ADAMTS6: variants seen among roughly 807,000 people sequenced by gnomAD.
ADAMTS6 encodes the protein ADAM metallopeptidase with thrombospondin type 1 motif 6, also known as A disintegrin and metalloproteinase with thrombospondin motifs 6.
A neutral mutation model predicts 144.3 loss-of-function variants in ADAMTS6; 23 were observed. The ratio of observed to expected loss-of-function variants is 0.16; its 90% CI spans 0.11 to 0.23. The LOEUF (loss-of-function observed/expected upper bound fraction) is 0.23, where lower values mean the gene tolerates loss of function less well. ADAMTS6 is among the 10% of genes least tolerant of loss of function. The pLI is 1.00. For synonymous variants in ADAMTS6, 444 were observed against 457.5 expected, an observed-to-expected ratio of 0.97 and a Z score of 0.38; for missense variants, 999 against 1,379.6, an observed-to-expected ratio of 0.72 and a Z score of 4.37.
intron 9 of ADAMTS6, among the ~76,000 whole-genome samples, chr5:65,310,347 G>A (rs867728496): frequency 5.3e-5 from 8 of 152,074 alleles, no homozygotes; most frequent in Middle Eastern, 3.2e-3. Context: ...GCAACAAAGT[G>A]AGACCCTGTC....
intron 7 of ADAMTS6, among the ~76,000 whole-genome samples, chr5:65,413,014 A>G (rs1440853882): frequency 6.6e-6 from 1 of 152,200 alleles, no homozygotes; most frequent in Non-Finnish European, 1.5e-5. Flanking sequence ...GCTAACAAAC[A>G]GTTCCAACCT....
chr5:65,453,031 A>G, intron 4 of ADAMTS6, 113 bp from the exon 5 acceptor site: 1 of 806,542 alleles, frequency 1.2e-6, no homozygotes, highest in Non-Finnish European at 1.8e-6. Flanking sequence ...GATTTTTCAA[A>G]GAGAAGAGAA....
At chr5:65,415,608 A>G (rs72760579) in intron 7 of ADAMTS6, 18,549 of 352,086 alleles carry the variant, frequency 0.053, 683 homozygotes, top group African/African-American at 0.099. Flanking sequence ...CCTGCCCATC[A>G]AGGAGTCTGA....
At chr5:65,248,940 AT>A (rs1430553197) in intron 14 of ADAMTS6, among the ~76,000 whole-genome samples, 1 of 152,148 alleles carries the variant, frequency 6.6e-6, no homozygotes, top group African/African-American at 2.4e-5. Context: ...TATACAATAC[AT>A]CATAAATATA....
intron 20 of ADAMTS6, among the ~76,000 whole-genome samples, chr5:65,200,904 T>C (rs1755692657): frequency 6.6e-6 from 1 of 152,224 alleles, no homozygotes; most frequent in Admixed American, 6.5e-5. Flanking sequence ...AAGATTCAAA[T>C]ATGATGGTCC....
chr5:65,201,683 G>A (rs1001284145), intron 20 of ADAMTS6, among the ~76,000 whole-genome samples: 3 of 152,164 alleles, frequency 2.0e-5, no homozygotes, highest in Non-Finnish European at 4.4e-5. Context: ...TCTTGGAATT[G>A]ATGGGCTAAC....
At chr5:65,158,955 T>A (rs17812505) in intron 24 of ADAMTS6, among the ~76,000 whole-genome samples, 2,336 of 152,270 alleles carry the variant, frequency 0.015, 36 homozygotes, top group Non-Finnish European at 0.023. Context: ...CTTATTCAAA[T>A]TCCATTATCT....
intron 7 of ADAMTS6, among the ~76,000 whole-genome samples, chr5:65,382,874 A>G (rs931553031): frequency 3.3e-5 from 5 of 152,204 alleles, no homozygotes; most frequent in Non-Finnish European, 7.3e-5. Flanking sequence ...TATAAACAAC[A>G]GAAATTTATT....
At chr5:65,349,559 A>G (rs1332296273) in intron 7 of ADAMTS6, among the ~76,000 whole-genome samples, 1 of 152,086 alleles carries the variant, frequency 6.6e-6, no homozygotes, top group Non-Finnish European at 1.5e-5. Context: ...AAGTGGGCTT[A>G]AAAAAGACTT....
chr5:65,219,932 C>T (rs1284713320), intron 18 of ADAMTS6, among the ~76,000 whole-genome samples: 2 of 152,052 alleles, frequency 1.3e-5, no homozygotes, highest in Non-Finnish European at 2.9e-5. Flanking sequence ...GAGATATCGA[C>T]GTAATTCTTT....
chr5:65,321,977 A>G (rs1412551060), intron 9 of ADAMTS6, among the ~76,000 whole-genome samples: 8 of 151,708 alleles, frequency 5.3e-5, no homozygotes, highest in Non-Finnish European at 8.8e-5. Context: ...CAGCCTCCCA[A>G]AGTGTTGGGA....
At chr5:65,417,180 C>G (rs934363315) in intron 7 of ADAMTS6, among the ~76,000 whole-genome samples, 3 of 152,116 alleles carry the variant, frequency 2.0e-5, no homozygotes, top group Non-Finnish European at 2.9e-5. Context: ...ATCCAACATC[C>G]CTTTATGACA....
At chr5:65,188,451 TA>T (rs1754804966) in intron 21 of ADAMTS6, among the ~76,000 whole-genome samples, 1 of 152,238 alleles carries the variant, frequency 6.6e-6, no homozygotes, top group African/African-American at 2.4e-5. Context: ...ACTATGTCTT[TA>T]AACCTCTTTT....
At chr5:65,326,346 C>A (rs1156506862) in intron 9 of ADAMTS6, among the ~76,000 whole-genome samples, 1 of 152,148 alleles carries the variant, frequency 6.6e-6, no homozygotes, top group Non-Finnish European at 1.5e-5. Flanking sequence ...TAAACCTAGA[C>A]ATGTCATTTA....
intron 1 of ADAMTS6, among the ~76,000 whole-genome samples, chr5:65,475,458 C>T (rs758651224): frequency 1.1e-4 from 16 of 151,962 alleles, no homozygotes; most frequent in Non-Finnish European, 2.4e-4. Flanking sequence ...CAATCCTTGC[C>T]CTTGGAGAGC....
intron 18 of ADAMTS6, among the ~76,000 whole-genome samples, chr5:65,223,403 G>A (rs1015631473): frequency 2.0e-5 from 3 of 152,106 alleles, no homozygotes; most frequent in African/African-American, 7.2e-5. Context: ...ATTAACTAAA[G>A]TATATTAGAT....
In ADAMTS6 at chr5:65,313,749, AT is replaced by A. The variant is rs1391966669; in HGVS notation, c.1224-13619del. Among the ~76,000 whole-genome samples the A allele has an allele frequency of 2.0e-5, 3 of 152,134 alleles. No homozygotes were observed. In the East Asian group the frequency reaches 5.8e-4, roughly 29 times the overall value. On this transcript the variant is annotated intron_variant, in intron 9 of 24. Transcript: ENST00000381055. ...GAGTAAAATGCTTCAGTCATGCTAC[AT>A]TAACTGAAAATGTTTCCATACCAGA... is the stretch of plus-strand genomic sequence containing the variant.
intron 21 of ADAMTS6, among the ~76,000 whole-genome samples, chr5:65,196,641 T>A (rs1025078512): frequency 1.3e-5 from 2 of 151,930 alleles, no homozygotes; most frequent in Non-Finnish European, 1.5e-5. Context: ...ACTTTTTTTT[T>A]ATGTGCCATT....
chr5:65,362,009 A>T (rs1749869716), intron 7 of ADAMTS6, among the ~76,000 whole-genome samples: 1 of 152,234 alleles, frequency 6.6e-6, no homozygotes, highest in African/African-American at 2.4e-5. Context: ...TGCTGGGATT[A>T]CAGGCGAGAG....
Sources: allele counts gnomAD v4.1 joint callset (sites outside exome capture counted in the v4.1 genomes callset), GRCh38; gene constraint gnomAD v4.1.1; transcripts MANE v1.5; gene names NCBI Gene and HGNC (gene_info 2026-07-23, HGNC 2026-07-21).